Variants in CABCOCO1 observed in about 807,000 individuals in gnomAD.
CABCOCO1 encodes ciliary-associated calcium-binding coiled-coil protein 1.
In CABCOCO1, 28 loss-of-function variants were observed where a neutral mutation model predicts 35.7. The observed-to-expected ratio is 0.78, with a 90% CI of 0.58 to 1.07. CABCOCO1 has a LOEUF of 1.07. CABCOCO1 is among the 50% of genes least tolerant of loss of function. The pLI, the probability that CABCOCO1 is intolerant of heterozygous loss-of-function variation, is 0.00. For missense variants in CABCOCO1, 326 were observed against 309.2 expected (o/e 1.05, Z -0.41); for synonymous variants, 95 against 100.1 (o/e 0.95, Z 0.30).
At chr10:61,750,985 C>T (rs996030322) in intron 5 of CABCOCO1, among the ~76,000 whole-genome samples, 1 of 152,098 alleles carries the variant, frequency 6.6e-6, no homozygotes, top group Admixed American at 6.5e-5. Context: ...GCCAATGTGA[C>T]AAATACTATG....
At chr10:61,735,126 T>C (rs994811) in intron 5 of CABCOCO1, among the ~76,000 whole-genome samples, 63,737 of 151,804 alleles carry the variant, frequency 0.42, 15,610 homozygotes, top group Non-Finnish European at 0.55. Context: ...CTCAAGAGAA[T>C]AAAATTGGGA....
intron 5 of CABCOCO1, among the ~76,000 whole-genome samples, chr10:61,696,423 A>G (rs1395752498): frequency 6.6e-6 from 1 of 152,150 alleles, no homozygotes; most frequent in African/African-American, 2.4e-5. Context: ...TTAAGATGTG[A>G]TGAAAAATAC....
At chr10:61,671,781 C>T (rs1839369029) in intron 1 of CABCOCO1, among the ~76,000 whole-genome samples, 1 of 152,150 alleles carries the variant, frequency 6.6e-6, no homozygotes, top group African/African-American at 2.4e-5. Context: ...TTCCTTAAAG[C>T]ACAGTTTTGT....
intron 5 of CABCOCO1, among the ~76,000 whole-genome samples, chr10:61,748,521 T>C (rs951102006): frequency 6.6e-6 from 1 of 152,210 alleles, no homozygotes; most frequent in Admixed American, 6.5e-5. Context: ...AAACACGCAG[T>C]GGGTGACCAC....
chr10:61,743,016 T>C (rs1289778279), intron 5 of CABCOCO1, among the ~76,000 whole-genome samples: 1 of 152,160 alleles, frequency 6.6e-6, no homozygotes, highest in African/African-American at 2.4e-5. Context: ...CTAAAACAAT[T>C]CATGTGTCAT....
intron 2 of CABCOCO1, among the ~76,000 whole-genome samples, chr10:61,679,161 G>A (rs1839618835): frequency 6.6e-6 from 1 of 152,030 alleles, no homozygotes; most frequent in South Asian, 2.1e-4. Context: ...AAAACCAAGA[G>A]AATGCTAATG....
At chr10:61,712,599 T>C (rs964562045) in intron 5 of CABCOCO1, among the ~76,000 whole-genome samples, 2 of 152,210 alleles carry the variant, frequency 1.3e-5, no homozygotes, top group African/African-American at 4.8e-5. Context: ...TCCTGAATGG[T>C]ACTGCCTAGG....
At chr10:61,693,212 T>G (rs535065535) in intron 5 of CABCOCO1, among the ~76,000 whole-genome samples, 46 of 152,248 alleles carry the variant, frequency 3.0e-4, no homozygotes, top group Non-Finnish European at 5.6e-4. Flanking sequence ...ATTAGGCCAC[T>G]CATGGCATTT....
At chr10:61,695,959 A>T (rs1314205822) in intron 5 of CABCOCO1, among the ~76,000 whole-genome samples, 1 of 152,110 alleles carries the variant, frequency 6.6e-6, no homozygotes, top group South Asian at 2.1e-4. Flanking sequence ...GCATAAAGAA[A>T]ATGATTCCAA....
intron 2 of CABCOCO1, among the ~76,000 whole-genome samples, chr10:61,680,297 C>T (rs1839670100): frequency 7.1e-6 from 1 of 141,844 alleles, no homozygotes; most frequent in African/African-American, 2.6e-5. Flanking sequence ...GCCGATGAAG[C>T]AAGGCCCTGT....
chr10:61,693,955 A>G (rs1243897943), intron 5 of CABCOCO1, among the ~76,000 whole-genome samples: 4 of 152,058 alleles, frequency 2.6e-5, no homozygotes, highest in East Asian at 1.9e-4. Flanking sequence ...CCTACTGCAG[A>G]CAGACAGATA....
At position 61,671,804 on chromosome 10, in the gene CABCOCO1, C is replaced by T. The variant is rs183026862; in HGVS notation, c.61-828C>T. Among the ~76,000 whole-genome samples the T allele has an allele frequency of 7.2e-5, 11 of 152,286 alleles. No homozygotes were observed. In the East Asian group the frequency reaches 2.1e-3, roughly 29 times the overall value. ...AGCACAGTTTTGTCTTGTCATTTAC[C>T]TGCCCAGAAACTTCATGGTTCTGAG... On this transcript the variant is annotated intron_variant, in intron 1 of 7. Transcript: ENST00000648843.
chr10:61,741,042 G>T (rs984318683), intron 5 of CABCOCO1, among the ~76,000 whole-genome samples: 2 of 152,068 alleles, frequency 1.3e-5, no homozygotes, highest in Non-Finnish European at 2.9e-5. Context: ...TACTCGGGAG[G>T]CTGAGGCAAG....
intron 5 of CABCOCO1, among the ~76,000 whole-genome samples, chr10:61,726,525 T>G (rs7903789): frequency 0.12 from 18,188 of 148,050 alleles, 1,421 homozygotes; most frequent in African/African-American, 0.21. Flanking sequence ...TGATTTTTAG[T>G]TTTTTTTTAA....
rs1397625018 is a variant in CABCOCO1, at chr10:61,766,441, A to G, written c.*428A>G. 1 of 153,586 alleles carries G rather than the reference A, an allele frequency of 6.5e-6. No individual in the cohort carries two copies. The highest frequency in any genetic ancestry group is 6.4e-5 in the Admixed American group (1 of 15,524). 9.5% of individuals were successfully genotyped at this position (153,586 alleles called of 1,614,324 possible). ...CACGTTACTGGAACACTGTGAAAACATACCAGTACCACACTATTGAGGATA... is the reference window on the plus strand; with the variant it reads ...CACGTTACTGGAACACTGTGAAAACGTACCAGTACCACACTATTGAGGATA... On this transcript the variant is annotated 3_prime_UTR_variant, in exon 8 of 8. Transcript: ENST00000648843.
intron 2 of CABCOCO1, among the ~76,000 whole-genome samples, chr10:61,673,503 A>G (rs1240851561): frequency 6.6e-6 from 1 of 152,210 alleles, no homozygotes; most frequent in Admixed American, 6.5e-5. Context: ...GGACACAAAC[A>G]GGGTGTCGTG....
chr10:61,679,732 GA>G (rs1164084666), intron 2 of CABCOCO1, among the ~76,000 whole-genome samples: 1 of 151,894 alleles, frequency 6.6e-6, no homozygotes, highest in African/African-American at 2.4e-5. Flanking sequence ...AATAGGAGAG[GA>G]ACAGGAAAGA....
At position 61,750,418 on chromosome 10, in the gene CABCOCO1, A is replaced by T. The variant is rs182873147; in HGVS notation, c.553-9641A>T. ...TGGTGAAGCACTGTCTCTACTAAAA[A>T]TACAAAAATTAGCCTAGCGTGGTGG... On this transcript the variant is annotated intron_variant, in intron 5 of 7. Transcript: ENST00000648843. 1.1e-4 allele frequency among the ~76,000 whole-genome samples: 17 copies of T among 152,306 alleles called. No individual in the cohort carries two copies. In the East Asian group the frequency reaches 3.3e-3, roughly 29 times the overall value.
chr10:61,703,728 C>T (rs1450159409), intron 5 of CABCOCO1, among the ~76,000 whole-genome samples: 1 of 152,032 alleles, frequency 6.6e-6, no homozygotes, highest in Non-Finnish European at 1.5e-5. Flanking sequence ...CTCTCTCACA[C>T]ACACACACAC....
Sources: allele counts gnomAD v4.1 joint callset (sites outside exome capture counted in the v4.1 genomes callset), GRCh38; gene constraint gnomAD v4.1.1; transcripts MANE v1.5; gene names NCBI Gene and HGNC (gene_info 2026-07-23, HGNC 2026-07-21).